The following CUL3 variants were observed in gnomAD, a reference collection of about 807,000 sequenced individuals.
CUL3 encodes the protein cullin 3.
CUL3 carries 19 observed loss-of-function variants against 89.1 expected under a neutral mutation model. That is an observed-to-expected ratio of 0.21 (90% CI 0.15 to 0.31). The LOEUF (loss-of-function observed/expected upper bound fraction) is 0.31, where lower values mean the gene tolerates loss of function less well. Ranked by LOEUF, CUL3 falls within the 10% of genes least tolerant of loss-of-function variation. CUL3 has a pLI of 1.00. For synonymous variants in CUL3, 351 were observed against 308.4 expected (o/e 1.14, Z -1.45); for missense variants, 469 against 942.3 (o/e 0.50, Z 6.58).
At chr2:224,513,709 GAGT>G in intron 4 of CUL3, 71 bp from the exon 5 acceptor site, 1 of 1,090,778 alleles carries the variant, frequency 9.2e-7, no homozygotes, top group Non-Finnish European at 1.3e-6. Flanking sequence ...TTACAAAAAG[GAGT>G]AGGTAAAAAT....
chr2:224,472,301 A>C lies in CUL3; in HGVS notation c.*1944T>G, dbSNP rs1008046079. 2 of 214,630 alleles carry C rather than the reference A, an allele frequency of 9.3e-6. No homozygotes were observed. Among genetic ancestry groups the C allele is most frequent in the Non-Finnish European group, 1.9e-5 (2 of 106,484 alleles). 13.3% of individuals were successfully genotyped at this position (214,630 alleles called of 1,614,324 possible). A position where few individuals can be genotyped will look rare whatever the true frequency, so the allele number is the denominator to read the frequency against. On this transcript the variant is annotated 3_prime_UTR_variant, in exon 16 of 16. Transcript: ENST00000264414. Reference sequence around the variant, plus strand: ...GCTTAAACTAGCACTAAAATGTTTAATGTCTCACTTAGGAGATTTCAAATA... The same window carrying C: ...GCTTAAACTAGCACTAAAATGTTTACTGTCTCACTTAGGAGATTTCAAATA...
At chr2:224,564,772 T>C (rs748707228) in intron 1 of CUL3, among the ~76,000 whole-genome samples, 5 of 152,158 alleles carry the variant, frequency 3.3e-5, no homozygotes, top group Non-Finnish European at 7.4e-5. Context: ...AACCACCTGC[T>C]ACACATCTCC....
intron 9 of CUL3, 150 bp downstream of exon 9, chr2:224,503,502 T>A: frequency 1.5e-6 from 1 of 672,740 alleles, no homozygotes; most frequent in Admixed American, 3.6e-5. Flanking sequence ...AATGTTAGTG[T>A]AGTCTGTGTT....
chr2:224,506,711 A>C, intron 7 of CUL3, 147 bp downstream of exon 7: 1 of 714,446 alleles, frequency 1.4e-6, no homozygotes, highest in Non-Finnish European at 2.1e-6. Flanking sequence ...CAAAATCCTA[A>C]AATATGTAGG....
At chr2:224,538,227 TCAG>T (rs1366978029) in intron 2 of CUL3, among the ~76,000 whole-genome samples, 1 of 152,202 alleles carries the variant, frequency 6.6e-6, no homozygotes, top group African/African-American at 2.4e-5. Flanking sequence ...GTCTTCTTAT[TCAG>T]ATTACTCTAT....
chr2:224,514,479 T>C (rs1692959140), intron 4 of CUL3, 133 bp downstream of exon 4: 4 of 686,234 alleles, frequency 5.8e-6, no homozygotes, highest in African/African-American at 3.6e-5. Flanking sequence ...ACTCTGATAC[T>C]AAGTTTCTGA....
At chr2:224,483,979 C>G (rs1691624114) in intron 13 of CUL3, among the ~76,000 whole-genome samples, 1 of 152,078 alleles carries the variant, frequency 6.6e-6, no homozygotes, top group Admixed American at 6.6e-5. Flanking sequence ...CACTTGAGCC[C>G]AAGAATTCAA....
intron 15 of CUL3, among the ~76,000 whole-genome samples, chr2:224,476,085 A>G (rs1018421730): frequency 6.6e-5 from 10 of 151,584 alleles, no homozygotes; most frequent in African/African-American, 2.4e-4. Context: ...GTACAATGGC[A>G]CGATCTCGGC....
At chr2:224,565,467 A>C (rs546298738) in intron 1 of CUL3, among the ~76,000 whole-genome samples, 5 of 152,296 alleles carry the variant, frequency 3.3e-5, no homozygotes, top group Non-Finnish European at 7.4e-5. Flanking sequence ...ACAAAAACAC[A>C]TTGTAATTTG....
intron 11 of CUL3, 146 bp from the exon 12 acceptor site, chr2:224,497,995 G>C (rs1460781438): frequency 3.1e-6 from 2 of 636,460 alleles, no homozygotes; most frequent in Admixed American, 5.8e-5. Context: ...TAGGAATCAA[G>C]TTCAGTTTCA....
chr2:224,491,516 G>A (rs1200061644), intron 13 of CUL3, among the ~76,000 whole-genome samples: 1 of 152,084 alleles, frequency 6.6e-6, no homozygotes, highest in Non-Finnish European at 1.5e-5. Context: ...TACAGATTTT[G>A]ATAATTTTTT....
chr2:224,522,518 G>C (rs534365251), intron 3 of CUL3, among the ~76,000 whole-genome samples: 1 of 152,198 alleles, frequency 6.6e-6, no homozygotes, highest in African/African-American at 2.4e-5. Context: ...AAAAAACCTG[G>C]TGGACTTAGC....
At position 224,474,234 on chromosome 2, in the gene CUL3, C is replaced by T. The variant is rs1020657340; in HGVS notation, c.*11G>A. 1 of 1,611,132 alleles carries T rather than the reference C, an allele frequency of 6.2e-7. No individual in the cohort carries two copies. The highest frequency in any genetic ancestry group is 8.5e-7 in the Non-Finnish European group (1 of 1,178,832). On this transcript the variant is annotated 3_prime_UTR_variant, in exon 16 of 16. Coordinates refer to ENST00000264414, the MANE Select transcript of CUL3 (RefSeq NM_003590.5). ...TACAGTCCAAGAATAAATCAAATTTCTGAACGCATTTTATGCTACATATGT... is the reference window on the plus strand; with the variant it reads ...TACAGTCCAAGAATAAATCAAATTTTTGAACGCATTTTATGCTACATATGT...
intron 3 of CUL3, among the ~76,000 whole-genome samples, chr2:224,532,075 G>A (rs897804475): frequency 2.6e-5 from 4 of 152,214 alleles, no homozygotes; most frequent in Admixed American, 2.6e-4. Flanking sequence ...TCAACTGAAT[G>A]ATAGTGATTA....
At chr2:224,480,537 A>T (rs4674911) in intron 14 of CUL3, among the ~76,000 whole-genome samples, 2 of 152,184 alleles carry the variant, frequency 1.3e-5, no homozygotes, top group Non-Finnish European at 2.9e-5. Context: ...AGATACACAC[A>T]TAAGTGTGCA....
At chr2:224,557,034 T>C (rs1454395471) in intron 2 of CUL3, among the ~76,000 whole-genome samples, 1 of 152,152 alleles carries the variant, frequency 6.6e-6, no homozygotes. Flanking sequence ...CACATTTTAT[T>C]TGACAATCTT....
chr2:224,507,970 A>G (rs1428068007), intron 6 of CUL3, among the ~76,000 whole-genome samples: 1 of 152,186 alleles, frequency 6.6e-6, no homozygotes, highest in Non-Finnish European at 1.5e-5. Context: ...TGAGCCATAG[A>G]GCTCTGACTC....
rs1171279443 is a variant in CUL3 at position 224,500,633 on chromosome 2, T to C, written c.1486-146A>G. 7.9e-5 allele frequency: 60 copies of C among 760,594 alleles called. 1 individual carries two copies. The highest frequency in any genetic ancestry group is 3.0e-4 in the Admixed American group (9 of 29,668). 47.1% of individuals were successfully genotyped at this position (760,594 alleles called of 1,614,324 possible). On this transcript the variant is annotated intron_variant, in intron 10 of 15. Coordinates refer to ENST00000264414, the MANE Select transcript of CUL3 (RefSeq NM_003590.5). ...AAAAAGCAGATTTTCTTTTCTTTTT[T>C]TTTTTTTTTTTGAGACAGAGTTTCG...
At chr2:224,584,427 C>G (rs759290560) in intron 1 of CUL3, among the ~76,000 whole-genome samples, 31 of 152,184 alleles carry the variant, frequency 2.0e-4, no homozygotes, top group Non-Finnish European at 3.7e-4. Context: ...GAACCACTGT[C>G]ACTGCGTCGG....
Sources: allele counts gnomAD v4.1 joint callset (sites outside exome capture counted in the v4.1 genomes callset), GRCh38; gene constraint gnomAD v4.1.1; transcripts MANE v1.5; gene names NCBI Gene and HGNC (gene_info 2026-07-23, HGNC 2026-07-21).